The following NT5C1B variants were observed in gnomAD, a reference collection of about 807,000 sequenced individuals.
NT5C1B encodes 5'-nucleotidase, cytosolic IB.
In NT5C1B, 44 loss-of-function variants were observed where a neutral mutation model predicts 57.8. That is an observed-to-expected ratio of 0.76 (90% CI 0.60 to 0.98). NT5C1B has a LOEUF of 0.98. Ranked by LOEUF, NT5C1B falls within the 50% of genes least tolerant of loss-of-function variation. The pLI is 0.00. For missense variants in NT5C1B, 742 were observed against 719.5 expected (o/e 1.03, Z -0.36); for synonymous variants, 284 against 282.6 (o/e 1.00, Z -0.05).
At chr2:18,580,747 G>A (rs929185920) in intron 6 of NT5C1B, among the ~76,000 whole-genome samples, 3 of 152,334 alleles carry the variant, frequency 2.0e-5, no homozygotes, top group South Asian at 4.1e-4. Context: ...TATATACCAT[G>A]GAACACAACC....
At position 18,584,068 on chromosome 2, in the gene NT5C1B, A is replaced by G. The variant is rs1481897248; in HGVS notation, c.891+20T>C. 1 of 1,614,186 alleles carries G rather than the reference A, an allele frequency of 6.2e-7. No homozygotes were observed. The highest frequency in any genetic ancestry group is 8.5e-7 in the Non-Finnish European group (1 of 1,180,040). On this transcript the variant is annotated intron_variant, in intron 5 of 8. Coordinates refer to ENST00000304081, the Ensembl canonical transcript of NT5C1B. The surrounding 1 kb of genome is among the most constrained non-coding windows in gnomAD (Gnocchi z 5.8). ...TCGCCATCGAGTGTCCTGGCGGGCC[A>G]AAGACAGCTTGCAGAATACCTTGAC...
Position 18,576,977 on chromosome 2 carries a change from A to T in NT5C1B, c.1022-82T>A, listed in dbSNP as rs1665742522. 9.5e-6 allele frequency: 15 copies of T among 1,583,350 alleles called. 1 individual carries two copies. In the South Asian group the frequency reaches 1.6e-4, roughly 17 times the overall value. On this transcript the variant is annotated intron_variant, in intron 6 of 8. Coordinates refer to ENST00000304081, the Ensembl canonical transcript of NT5C1B. ...AATCCAAGTAAAAGTTACCTTAGAG[A>T]TAACTGAGTTTATTTGTAAATTCAA...
chr2:18,573,981 T>C (rs1415403027), intron 8 of NT5C1B, among the ~76,000 whole-genome samples: 2 of 152,188 alleles, frequency 1.3e-5, no homozygotes, highest in Middle Eastern at 3.4e-3. Flanking sequence ...TGAGAATACA[T>C]AAAACTAGAA....
chr2:18,583,058 CG>C, intron 5 of NT5C1B, 61 bp from the exon 6 acceptor site: 5 of 1,564,902 alleles, frequency 3.2e-6, no homozygotes, highest in Non-Finnish European at 4.3e-6. Context: ...CTGGGGAGGC[CG>C]GAGAGGAAGC....
intron 8 of NT5C1B, among the ~76,000 whole-genome samples, chr2:18,575,048 A>T (rs1558375589): frequency 6.6e-6 from 1 of 152,254 alleles, no homozygotes; most frequent in Non-Finnish European, 1.5e-5. Flanking sequence ...AAAGAAATTT[A>T]GATTATTTAC....
chr2:18,583,687 C>G, intron 5 of NT5C1B: 2 of 372,298 alleles, frequency 5.4e-6, no homozygotes, highest in Non-Finnish European at 1.1e-5. Flanking sequence ...CCAAGGGCAT[C>G]TTTATTTTCT....
At chr2:18,577,177 A>C (rs1396386908) in intron 6 of NT5C1B, among the ~76,000 whole-genome samples, 1 of 152,166 alleles carries the variant, frequency 6.6e-6, no homozygotes, top group Non-Finnish European at 1.5e-5. Context: ...TTATTCTCAC[A>C]AACATACTGA....
At chr2:18,587,352 G>A (rs1666814328) in intron 2 of NT5C1B, 151 bp downstream of exon 2, 2 of 1,475,670 alleles carry the variant, frequency 1.4e-6, no homozygotes, top group Non-Finnish European at 1.8e-6. Context: ...ACCTTTCCTA[G>A]TTCCTTAACC....
chr2:18,578,444 G>A (rs1665897436), intron 6 of NT5C1B, among the ~76,000 whole-genome samples: 1 of 151,954 alleles, frequency 6.6e-6, no homozygotes, highest in Non-Finnish European at 1.5e-5. Context: ...TTTATTCCTA[G>A]GATGCATAGT....
chr2:18,584,025 T>A lies in NT5C1B; in HGVS notation c.891+63A>T. ...GGGAAATTGGATGCCCTCCCAAGGG[T>A]TGGCCTGGGTCCCTCCCTCGCCATC... On this transcript the variant is annotated intron_variant, in intron 5 of 8. Coordinates refer to ENST00000304081, the Ensembl canonical transcript of NT5C1B. This position sits in a 1 kb window ranked among gnomAD's most constrained non-coding sequence, Gnocchi z 5.8. 1 of 1,612,164 alleles carries A rather than the reference T, an allele frequency of 6.2e-7. No individual in the cohort carries two copies. The highest frequency in any genetic ancestry group is 8.5e-7 in the Non-Finnish European group (1 of 1,179,186).
intron 8 of NT5C1B, 134 bp downstream of exon 8, chr2:18,576,050 C>G (rs999121754): frequency 1.1e-6 from 1 of 929,582 alleles, no homozygotes. Flanking sequence ...AGAGAAAGCT[C>G]CAAAGATAAG....
chr2:18,574,805 T>A (rs946576489), intron 8 of NT5C1B, among the ~76,000 whole-genome samples: 1 of 152,118 alleles, frequency 6.6e-6, no homozygotes, highest in African/African-American at 2.4e-5. Flanking sequence ...GGATAGATCA[T>A]ATGCTAAGTA....
intron 8 of NT5C1B, 136 bp from the exon 9 acceptor site, chr2:18,564,255 G>A: frequency 9.9e-7 from 1 of 1,014,688 alleles, no homozygotes; most frequent in Non-Finnish European, 1.3e-6. Flanking sequence ...GAAGCTGATG[G>A]CAAAATGCTA....
At position 18,584,040 on chromosome 2, in the gene NT5C1B, C is replaced by T; in HGVS notation, c.891+48G>A. The stretch of plus-strand genomic sequence containing the variant: ...CTCCCAAGGGTTGGCCTGGGTCCCT[C>T]CCTCGCCATCGAGTGTCCTGGCGGG... On this transcript the variant is annotated intron_variant, in intron 5 of 8. Coordinates refer to ENST00000304081, the Ensembl canonical transcript of NT5C1B. The surrounding 1 kb of genome is among the most constrained non-coding windows in gnomAD (Gnocchi z 5.8). The T allele has an allele frequency of 1.2e-6, 2 of 1,614,126 alleles. No individual in the cohort carries two copies. The highest frequency in any genetic ancestry group is 1.3e-5 in the African/African-American group (1 of 75,032).
chr2:18,565,710 A>G (rs1664582309), intron 8 of NT5C1B, among the ~76,000 whole-genome samples: 2 of 152,124 alleles, frequency 1.3e-5, no homozygotes, highest in African/African-American at 4.8e-5. Flanking sequence ...TGGGCTTTTA[A>G]TCTTTAATAT....
At chr2:18,565,958 T>C (rs1475171700) in intron 8 of NT5C1B, among the ~76,000 whole-genome samples, 2 of 152,174 alleles carry the variant, frequency 1.3e-5, no homozygotes, top group African/African-American at 2.4e-5. Context: ...AATAACTCTA[T>C]TGGAAGGGAC....
At chr2:18,564,151 A>T (rs757400746) in intron 8 of NT5C1B, 32 bp from the exon 9 acceptor site, 1 of 1,514,382 alleles carries the variant, frequency 6.6e-7, no homozygotes. Flanking sequence ...CAGCTGTGAT[A>T]CAGTGAGCCA....
chr2:18,569,897 C>G (rs1664994597), intron 8 of NT5C1B, among the ~76,000 whole-genome samples: 2 of 152,000 alleles, frequency 1.3e-5, no homozygotes, highest in African/African-American at 4.8e-5. Context: ...TTAATGACAA[C>G]AGAATATTCT....
intron 6 of NT5C1B, among the ~76,000 whole-genome samples, chr2:18,582,318 G>C (rs533828613): frequency 6.6e-6 from 1 of 152,140 alleles, no homozygotes. Context: ...AATAATTCAG[G>C]TAGTTCCATA....
Sources: allele counts gnomAD v4.1 joint callset (sites outside exome capture counted in the v4.1 genomes callset), GRCh38; gene constraint gnomAD v4.1.1; non-coding constraint Gnocchi (gnomAD v3.1); transcripts MANE v1.5; gene names NCBI Gene and HGNC (gene_info 2026-07-23, HGNC 2026-07-21).